The following CLIC4 variants were observed in gnomAD, a reference collection of about 807,000 sequenced individuals.
CLIC4 encodes chloride intracellular channel protein 4.
Under a neutral mutation model 24.6 loss-of-function variants are expected in CLIC4, and 13 were observed. That is an observed-to-expected ratio of 0.53 (90% CI 0.34 to 0.84). The LOEUF is 0.84. CLIC4 is among the 40% of genes least tolerant of loss of function. The probability of loss-of-function intolerance (pLI) is 0.01; values close to 1 mark genes in which losing one functional copy is unlikely to be tolerated. For synonymous variants in CLIC4, 104 were observed against 111.3 expected (o/e 0.93, Z 0.41); for missense variants, 227 against 301.7 (o/e 0.75, Z 1.83).
intron 2 of CLIC4, among the ~76,000 whole-genome samples, chr1:24,799,447 G>C (rs1481199345): frequency 6.7e-6 from 1 of 148,478 alleles, no homozygotes. Context: ...AAGCCCCTCC[G>C]CCCGGCAGCT....
chr1:24,760,560 A>C (rs1338830191), intron 1 of CLIC4, among the ~76,000 whole-genome samples: 1 of 151,974 alleles, frequency 6.6e-6, no homozygotes, highest in East Asian at 1.9e-4. Context: ...CTCTGCCTTC[A>C]TGGAAGACTT....
intron 1 of CLIC4, among the ~76,000 whole-genome samples, chr1:24,785,228 A>G (rs1639253679): frequency 6.6e-6 from 1 of 152,154 alleles, no homozygotes; most frequent in South Asian, 2.1e-4. Context: ...AAGTGCTGGA[A>G]CTGAAGAATC....
rs541058671 is a variant in CLIC4 at position 24,775,338 on chromosome 1, C to A, written c.73-22404C>A. 9.4e-4 allele frequency among the ~76,000 whole-genome samples: 126 copies of A among 133,980 alleles called. 1 individual carries two copies. The South Asian group carries it at 0.015, about 16-fold the overall frequency. The allele number at this position is 133,980 out of a possible 152,430, so 87.9% of individuals were successfully genotyped here. A position where few individuals can be genotyped will look rare whatever the true frequency, so the allele number is the denominator to read the frequency against. On this transcript the variant is annotated intron_variant, in intron 1 of 5. Transcript: ENST00000374379. ...ATGAAACTTGAATCTGTAAATTTGTCTTTTTTTGGGAAAATTTTGGCCGTT... is the reference window on the plus strand; with the variant it reads ...ATGAAACTTGAATCTGTAAATTTGTATTTTTTTGGGAAAATTTTGGCCGTT...
chr1:24,797,704 C>T (rs1457843598), intron 1 of CLIC4, 38 bp from the exon 2 acceptor site: 1 of 1,453,912 alleles, frequency 6.9e-7, no homozygotes, highest in Non-Finnish European at 9.5e-7. Flanking sequence ...AGTATCATCA[C>T]TTTGACCTTG....
At chr1:24,837,865 C>T (rs926831871) in intron 4 of CLIC4, among the ~76,000 whole-genome samples, 2 of 152,160 alleles carry the variant, frequency 1.3e-5, no homozygotes, top group African/African-American at 4.8e-5. Context: ...GACTATTCCT[C>T]CTACCTATCC....
intron 1 of CLIC4, among the ~76,000 whole-genome samples, chr1:24,775,841 T>C (rs1226087738): frequency 2.6e-5 from 4 of 151,594 alleles, no homozygotes; most frequent in African/African-American, 7.3e-5. Context: ...TTTTTTTTTT[T>C]CTTGAGAATG....
intron 3 of CLIC4, among the ~76,000 whole-genome samples, chr1:24,824,300 G>A (rs777835856): frequency 5.9e-5 from 9 of 152,000 alleles, no homozygotes; most frequent in Non-Finnish European, 1.0e-4. Context: ...ACGCAGTCTC[G>A]CTCTGTCACC....
chr1:24,836,132 G>A (rs1369397689), intron 4 of CLIC4, among the ~76,000 whole-genome samples: 1 of 152,192 alleles, frequency 6.6e-6, no homozygotes, highest in East Asian at 1.9e-4. Context: ...AGATAATGAA[G>A]CGTGTTCCAG....
In CLIC4 at chr1:24,844,033, A is replaced by G. The variant is rs1208396578; in HGVS notation, c.*3096A>G. The G allele has an allele frequency of 6.6e-6, 1 of 152,594 alleles. No homozygotes were observed. The highest frequency in any genetic ancestry group is 1.5e-5 in the Non-Finnish European group (1 of 68,010). The allele number at this position is 152,594 out of a possible 1,614,324, so 9.5% of individuals were successfully genotyped here. A position where few individuals can be genotyped will look rare whatever the true frequency, so the allele number is the denominator to read the frequency against. On this transcript the variant is annotated 3_prime_UTR_variant, in exon 6 of 6. Transcript: ENST00000374379. Reference sequence around the variant, plus strand: ...ATACATGTGGGCTTTTAAAAACTCCATCCTTTATAAATAGTCAAGGTTTGG... The same window carrying G: ...ATACATGTGGGCTTTTAAAAACTCCGTCCTTTATAAATAGTCAAGGTTTGG...
chr1:24,829,896 C>CGT (rs1639823350), intron 4 of CLIC4, among the ~76,000 whole-genome samples: 1 of 152,078 alleles, frequency 6.6e-6, no homozygotes, highest in Non-Finnish European at 1.5e-5. Context: ...CTTTAAATAC[C>CGT]CATTACCTCT....
At chr1:24,796,292 G>A (rs1214191282) in intron 1 of CLIC4, among the ~76,000 whole-genome samples, 4 of 152,230 alleles carry the variant, frequency 2.6e-5, no homozygotes, top group South Asian at 4.1e-4. Context: ...GGGTTCAAGC[G>A]ATTCTCCTGC....
chr1:24,802,239 C>G (rs1267404821), intron 2 of CLIC4, among the ~76,000 whole-genome samples: 1 of 152,092 alleles, frequency 6.6e-6, no homozygotes. Context: ...CCCATTATAG[C>G]TATTTCAGAG....
chr1:24,808,670 T>C (rs1639581102), intron 2 of CLIC4, among the ~76,000 whole-genome samples: 1 of 134,742 alleles, frequency 7.4e-6, no homozygotes, highest in Non-Finnish European at 1.6e-5. Flanking sequence ...TATCTATCTA[T>C]CTATAAAATT....
intron 4 of CLIC4, among the ~76,000 whole-genome samples, chr1:24,835,448 A>T (rs1255413989): frequency 6.6e-6 from 1 of 152,150 alleles, no homozygotes; most frequent in Non-Finnish European, 1.5e-5. Flanking sequence ...CTATAATCCC[A>T]GCTACTCGGG....
At chr1:24,789,753 A>G (rs1639311407) in intron 1 of CLIC4, among the ~76,000 whole-genome samples, 1 of 150,840 alleles carries the variant, frequency 6.6e-6, no homozygotes, top group South Asian at 2.1e-4. Flanking sequence ...TTTAACTTTA[A>G]TTATCGTGTT....
chr1:24,797,923 G>A, intron 2 of CLIC4, 72 bp downstream of exon 2: 1 of 992,806 alleles, frequency 1.0e-6, no homozygotes, highest in Non-Finnish European at 1.6e-6. Flanking sequence ...TTTTCACCTT[G>A]ATGGCACATA....
chr1:24,812,285 A>C (rs1338947191), intron 2 of CLIC4, among the ~76,000 whole-genome samples: 2 of 152,134 alleles, frequency 1.3e-5, no homozygotes, highest in African/African-American at 4.8e-5. Flanking sequence ...GTATTGAAGT[A>C]ATTTTGATAT....
chr1:24,790,370 C>G (rs1042693816), intron 1 of CLIC4, among the ~76,000 whole-genome samples: 2 of 152,198 alleles, frequency 1.3e-5, no homozygotes, highest in Non-Finnish European at 2.9e-5. Context: ...CCATGCCTAG[C>G]CCCACTTTTT....
chr1:24,829,977 C>T (rs779823877), intron 4 of CLIC4, among the ~76,000 whole-genome samples: 11 of 152,254 alleles, frequency 7.2e-5, no homozygotes, highest in African/African-American at 9.6e-5. Flanking sequence ...ATTAAGACTG[C>T]GGTAGGTAGC....
Sources: gnomAD v4.1 joint callset for allele counts (sites outside exome capture counted in the v4.1 genomes callset) on GRCh38, gnomAD v4.1.1 for gene constraint, MANE v1.5 for transcripts, NCBI Gene and HGNC (gene_info 2026-07-23, HGNC 2026-07-21) for gene names.